Variants in CCNT2 observed in about 807,000 individuals in gnomAD.
The protein encoded by CCNT2 is cyclin T2, also known as cyclin-T2.
Under a neutral mutation model 70.0 loss-of-function variants are expected in CCNT2, and 18 were observed. The observed-to-expected ratio is 0.26, with a 90% CI of 0.18 to 0.38. The LOEUF (loss-of-function observed/expected upper bound fraction) is 0.38. Among genes scored for constraint, CCNT2 ranks in the 10% least tolerant of loss-of-function variants. The probability of loss-of-function intolerance (pLI) is 1.00; values close to 1 mark genes in which losing one functional copy is unlikely to be tolerated. For missense variants in CCNT2, 734 were observed against 890.2 expected (o/e 0.82, Z 2.23); for synonymous variants, 334 against 313.3 (o/e 1.07, Z -0.70).
At chr2:134,944,140 A>G (rs757294468) in intron 5 of CCNT2, 6 of 984,190 alleles carry the variant, frequency 6.1e-6, no homozygotes, top group South Asian at 4.7e-5. Context: ...CCTGTTCTTC[A>G]TGGTTATATC....
chr2:134,924,710 A>G (rs1680153339), intron 2 of CCNT2, among the ~76,000 whole-genome samples: 1 of 151,986 alleles, frequency 6.6e-6, no homozygotes, highest in African/African-American at 2.4e-5. Context: ...CGACCTCCCA[A>G]AGTGCTGGGA....
At chr2:134,943,922 T>C (rs904802077) in intron 5 of CCNT2, 1 of 959,130 alleles carries the variant, frequency 1.0e-6, no homozygotes, top group Non-Finnish European at 1.2e-6. Flanking sequence ...AAATCTTTTG[T>C]TTTTAGTATT....
At chr2:134,924,637 A>T (rs1029146414) in intron 2 of CCNT2, among the ~76,000 whole-genome samples, 1 of 152,006 alleles carries the variant, frequency 6.6e-6, no homozygotes, top group Admixed American at 6.6e-5. Context: ...TTTAGTAGAG[A>T]CGGGTTTTCA....
At chr2:134,944,487 A>G (rs981373111) in intron 5 of CCNT2, 3 of 965,192 alleles carry the variant, frequency 3.1e-6, no homozygotes, top group Admixed American at 6.2e-5. Context: ...AAGTTCTCCT[A>G]CAACTAAAAA....
intron 5 of CCNT2, chr2:134,943,446 C>A (rs766821794): frequency 7.6e-5 from 75 of 984,862 alleles, no homozygotes; most frequent in Non-Finnish European, 8.8e-5. Flanking sequence ...TGCCCATATT[C>A]ATTTGGGCAA....
rs1682699560 is a variant in CCNT2 at position 134,953,643 on chromosome 2, A to G, written c.1188A>G (p.Arg396=). 1.2e-6 allele frequency: 2 copies of G among 1,614,194 alleles called. No individual in the cohort carries two copies. The highest frequency in any genetic ancestry group is 8.5e-7 in the Non-Finnish European group (1 of 1,180,030). Residue 396 remains arginine (R), a synonymous_variant, in exon 9 of 9, where the codon AGA becomes AGG. Coordinates refer to ENST00000264157, the MANE Select transcript of CCNT2 (RefSeq NM_058241.3). ...SISLHSGLHH[R]PDKISDHSSV... ...CACTGCATTCAGGATTACATCACAGACCTGACAAAATTTCAGATCATTCTT... is the reference window on the plus strand; with the variant it reads ...CACTGCATTCAGGATTACATCACAGGCCTGACAAAATTTCAGATCATTCTT...
In CCNT2 at chr2:134,954,107, A is replaced by G. The variant is rs774344933; in HGVS notation, c.1652A>G (p.His551Arg). Residue 551 changes from histidine to arginine, a missense_variant, in exon 9 of 9, where the codon CAT becomes CGT. Physicochemically the swap from His to Arg is conservative, Grantham distance 29. Transcript: ENST00000264157. Reference protein sequence around the residue: ...GSGKSKHSSPHISRDHKEKHK... With the variant: ...GSGKSKHSSPRISRDHKEKHK... Reference sequence around the variant, plus strand: ...GGGAAGAGCAAACATTCAAGCCCACATATTAGCAGAGACCATAAGGAGAAG... The same window carrying G: ...GGGAAGAGCAAACATTCAAGCCCACGTATTAGCAGAGACCATAAGGAGAAG... 6.2e-7 allele frequency: 1 copy of G among 1,614,216 alleles called. No homozygotes were observed. The highest frequency in any genetic ancestry group is 1.1e-5 in the South Asian group (1 of 91,084).
In CCNT2 at chr2:134,939,072, T is replaced by TA. The variant is rs1298332647; in HGVS notation, c.430+11dup. On this transcript the variant is annotated intron_variant, in intron 4 of 8. Coordinates refer to ENST00000264157, the MANE Select transcript of CCNT2 (RefSeq NM_058241.3). ...ATGCTACAAACTCTAGGTACGTACT[T>TA]ACATCAGATAATGGCTTTTTGTGTG... The TA allele has an allele frequency of 1.3e-6, 2 of 1,575,470 alleles. No homozygotes were observed. Among genetic ancestry groups the TA allele is most frequent in the South Asian group, 2.2e-5 (2 of 89,516 alleles).
chr2:134,942,906 C>G (rs995129902), intron 5 of CCNT2: 8 of 1,322,528 alleles, frequency 6.0e-6, no homozygotes, highest in Non-Finnish European at 7.7e-6. Context: ...ACTAAAACTC[C>G]GGAGGGCTTC....
chr2:134,942,070 G>A (rs1288339675), intron 4 of CCNT2, among the ~76,000 whole-genome samples: 4 of 151,836 alleles, frequency 2.6e-5, no homozygotes, highest in African/African-American at 9.7e-5. Flanking sequence ...AGAAACAGTA[G>A]TTTAAGCAGT....
At chr2:134,935,223 A>C (rs1358447968) in intron 2 of CCNT2, among the ~76,000 whole-genome samples, 5 of 152,234 alleles carry the variant, frequency 3.3e-5, no homozygotes, top group Non-Finnish European at 7.3e-5. Flanking sequence ...GGAAGAAATA[A>C]GTTGAAAGTG....
rs1210504872 is a variant in CCNT2, at chr2:134,959,003, C to T, written c.*4355C>T. 2 of 152,128 alleles carry T rather than the reference C, an allele frequency of 1.3e-5. No individual in the cohort carries two copies. Among genetic ancestry groups the T allele is most frequent in the East Asian group, 3.9e-4 (2 of 5,170 alleles). The allele number at this position is 152,128 out of a possible 1,614,324, so 9.4% of individuals were successfully genotyped here. Reference sequence around the variant, plus strand: ...TTTATTTTCAAGTTTGGGGCGGAAACTCAAAATCCCGAGCATTGCCACTTT... The same window carrying T: ...TTTATTTTCAAGTTTGGGGCGGAAATTCAAAATCCCGAGCATTGCCACTTT... On this transcript the variant is annotated 3_prime_UTR_variant, in exon 9 of 9. Coordinates refer to ENST00000264157, the MANE Select transcript of CCNT2 (RefSeq NM_058241.3).
chr2:134,930,368 T>C (rs1680652817), intron 2 of CCNT2, among the ~76,000 whole-genome samples: 1 of 151,914 alleles, frequency 6.6e-6, no homozygotes, highest in Non-Finnish European at 1.5e-5. Context: ...TGTACCTCTT[T>C]TTATTTATCC....
At chr2:134,926,843 T>C (rs1322570183) in intron 2 of CCNT2, among the ~76,000 whole-genome samples, 2 of 152,244 alleles carry the variant, frequency 1.3e-5, no homozygotes, top group Non-Finnish European at 2.9e-5. Context: ...GCTCTGTTTT[T>C]CTGTGGGGAT....
rs35187705 is a variant in CCNT2 at position 134,946,682 on chromosome 2, C to CT, written c.539+551dup. Among the ~76,000 whole-genome samples the CT allele has an allele frequency of 3.0e-3, 426 of 140,012 alleles. 2 individuals are homozygous for CT. In the East Asian group the frequency reaches 0.047, roughly 16 times the overall value. 91.9% of individuals were successfully genotyped at this position (140,012 alleles called of 152,430 possible). The stretch of plus-strand genomic sequence containing the variant: ...TGGATTTGCATAAACACAATTTTTC[C>CT]TTTTTTTTTTTTTTTAAACAAAAAA... On this transcript the variant is annotated intron_variant, in intron 6 of 8. Coordinates refer to ENST00000264157, the MANE Select transcript of CCNT2 (RefSeq NM_058241.3).
chr2:134,938,045 A>G (rs986210461), intron 3 of CCNT2, among the ~76,000 whole-genome samples: 2 of 152,208 alleles, frequency 1.3e-5, no homozygotes, highest in African/African-American at 4.8e-5. Flanking sequence ...ATCTGATTTT[A>G]TTAATGGCAA....
chr2:134,953,176 T>G (rs1434107263), intron 8 of CCNT2, 54 bp from the exon 9 acceptor site: 3 of 1,254,560 alleles, frequency 2.4e-6, no homozygotes, highest in African/African-American at 3.0e-5. Context: ...GACAAGAAAT[T>G]TGCATTAAAT....
intron 2 of CCNT2, among the ~76,000 whole-genome samples, chr2:134,926,444 C>A (rs527343288): frequency 6.6e-6 from 1 of 152,208 alleles, no homozygotes; most frequent in Admixed American, 6.5e-5. Flanking sequence ...GCTTTTCCTC[C>A]CAATGGTTTC....
chr2:134,919,402 T>C (rs1215225198), intron 1 of CCNT2, among the ~76,000 whole-genome samples: 1 of 152,216 alleles, frequency 6.6e-6, no homozygotes, highest in Non-Finnish European at 1.5e-5. Context: ...CCTAAGTGTT[T>C]GCCGCAGCCT....
Sources: gnomAD v4.1 joint callset for allele counts (sites outside exome capture counted in the v4.1 genomes callset) on GRCh38, gnomAD v4.1.1 for gene constraint, MANE v1.5 for transcripts, NCBI Gene and HGNC (gene_info 2026-07-23, HGNC 2026-07-21) for gene names.